The following KIDINS220 variants were observed in gnomAD, a reference collection of about 807,000 sequenced individuals.
KIDINS220 encodes the protein kinase D interacting substrate 220, also known as kinase D-interacting substrate of 220 kDa.
Under a neutral mutation model 157.6 loss-of-function variants are expected in KIDINS220, and 63 were observed. The ratio of observed to expected loss-of-function variants is 0.40; its 90% confidence interval spans 0.33 to 0.49. KIDINS220 has a LOEUF of 0.49. Among genes scored for constraint, KIDINS220 ranks in the 20% least tolerant of loss-of-function variants. The pLI, the probability that KIDINS220 is intolerant of heterozygous loss-of-function variation, is 0.66. For missense variants in KIDINS220, 1,772 were observed against 2,171.2 expected (o/e 0.82, Z 3.65); for synonymous variants, 732 against 783.6 (o/e 0.93, Z 1.10).
chr2:8,757,635 G>A (rs1479996450), intron 22 of KIDINS220: 1 of 1,608,846 alleles, frequency 6.2e-7, no homozygotes, highest in Admixed American at 1.7e-5. Context: ...CCAAGTGAAT[G>A]TGCATCTCTG....
rs2148401522 is a variant in KIDINS220 at position 8,818,743 on chromosome 2, T to C, written c.159A>G (p.Ile53Met). The change falls in exon 3 of 30, where the codon ATA becomes ATG. Residue 53 changes from isoleucine (I) to methionine (M), a missense_variant. Physicochemically the swap from Ile to Met is conservative, Grantham distance 10. Around this residue, in one of 3 missense-constraint regions of KIDINS220, gnomAD observed 254 missense variants for 268.6 expected, o/e 0.95. Transcript: ENST00000256707. The part of the protein sequence containing the change: ...MIAAEQGNLE[I>M]VKELIKNGAN... The stretch of plus-strand genomic sequence containing the variant: ...CTCCATTCTTAATTAATTCCTTCAC[T>C]ATTTCCAGATTGCCTTGTTCGGCAG... 7 of 1,609,988 alleles carry C rather than the reference T, an allele frequency of 4.3e-6. No homozygotes were observed. Among genetic ancestry groups the C allele is most frequent in the Non-Finnish European group, 5.9e-6 (7 of 1,177,276 alleles).
At chr2:8,812,795 C>G (rs1340781918) in intron 5 of KIDINS220, among the ~76,000 whole-genome samples, 1 of 151,992 alleles carries the variant, frequency 6.6e-6, no homozygotes, top group East Asian at 1.9e-4. Context: ...ATAAATTCAA[C>G]ACATTAAAAT....
intron 14 of KIDINS220, among the ~76,000 whole-genome samples, chr2:8,789,476 G>GA (rs1163452306): frequency 6.6e-6 from 1 of 151,942 alleles, no homozygotes; most frequent in African/African-American, 2.4e-5. Flanking sequence ...ATTTAGTAGA[G>GA]ACGGGGTTTC....
chr2:8,775,675 A>G (rs1185177595), intron 21 of KIDINS220, among the ~76,000 whole-genome samples: 1 of 152,206 alleles, frequency 6.6e-6, no homozygotes, highest in African/African-American at 2.4e-5. Context: ...GATTAATATG[A>G]GACACAGGGA....
Position 8,789,934 on chromosome 2 carries a change from T to C in KIDINS220, c.1567A>G (p.Asn523Asp), listed in dbSNP as rs781036824. ...GLLFAFTVHP[N>D]LGIAVSLSFL... ...CTCAGTGACACTGCTATTCCAAGAT[T>C]TGGGTGGACCGTGAAGGCAAACAAT... Residue 523 changes from asparagine to aspartate, a missense_variant, in exon 14 of 30, where the codon AAT (asparagine) becomes GAT (aspartate). By Grantham distance (23) the Asn-to-Asp change is conservative. This residue lies in a region of KIDINS220 where 725 missense variants were observed against 1,017.1 expected (regional missense o/e 0.71). Coordinates refer to ENST00000256707, the MANE Select transcript of KIDINS220 (RefSeq NM_020738.4). 1.2e-6 allele frequency: 2 copies of C among 1,613,858 alleles called. No homozygotes were observed. Among genetic ancestry groups the C allele is most frequent in the South Asian group, 1.1e-5 (1 of 91,026 alleles).
At chr2:8,755,313 C>A (rs1667874507) in intron 22 of KIDINS220, among the ~76,000 whole-genome samples, 1 of 152,138 alleles carries the variant, frequency 6.6e-6, no homozygotes, top group African/African-American at 2.4e-5. Context: ...GCCCCCAGAG[C>A]ATATATACTT....
chr2:8,799,129 C>T (rs1189806840), intron 9 of KIDINS220, among the ~76,000 whole-genome samples: 1 of 152,166 alleles, frequency 6.6e-6, no homozygotes, highest in African/African-American at 2.4e-5. Flanking sequence ...CCACCATCCC[C>T]ACCACCATGC....
At chr2:8,756,830 C>A (rs777909401) in intron 22 of KIDINS220, among the ~76,000 whole-genome samples, 3 of 152,150 alleles carry the variant, frequency 2.0e-5, no homozygotes, top group African/African-American at 7.2e-5. Context: ...GGCTTCAACA[C>A]GAAAATTTTG....
At chr2:8,814,908 G>A (rs56252461) in intron 4 of KIDINS220, among the ~76,000 whole-genome samples, 63,078 of 151,880 alleles carry the variant, frequency 0.42, 15,154 homozygotes, top group East Asian at 0.59. Context: ...AACTGAACAC[G>A]AGAAACATCC....
Position 8,775,864 on chromosome 2 carries a change from T to G in KIDINS220, c.2848+884A>C, listed in dbSNP as rs568908723. 1.8e-4 allele frequency among the ~76,000 whole-genome samples: 28 copies of G among 152,288 alleles called. 3 individuals carry two copies. Among genetic ancestry groups the G allele is most frequent in the African/African-American group, 6.7e-4 (28 of 41,562 alleles). On this transcript the variant is annotated intron_variant, in intron 21 of 29. Coordinates refer to ENST00000256707, the MANE Select transcript of KIDINS220 (RefSeq NM_020738.4). ...GTCTTGTTTTCATGACACACATCAT[T>G]CTGTGACGTTATATCTTTTGGTTTT...
downstream of KIDINS220, among the ~76,000 whole-genome samples, chr2:8,726,539 G>GC (rs1438402663): frequency 1.3e-5 from 2 of 152,236 alleles, no homozygotes; most frequent in African/African-American, 4.8e-5. Context: ...TTACAGCCAT[G>GC]CATCAGTTGA....
At position 8,733,575 on chromosome 2, in the gene KIDINS220, C is replaced by A. The variant is rs748016243; in HGVS notation, c.3922G>T (p.Ala1308Ser). ...GTGTGAGGCAGCTCGTTGTGGGAAG[C>A]GCGGCGAGCAGGCTCACCGTGCGGG... The part of the protein sequence containing the change: ...PAPHGEPARR[A>S]SHNELPHTEL... Residue 1308 changes from alanine to serine, a missense_variant, in exon 29 of 30, where the codon GCT (alanine) becomes TCT (serine). By Grantham distance (99) the Ala-to-Ser change is moderately conservative. Coordinates refer to ENST00000256707, the MANE Select transcript of KIDINS220 (RefSeq NM_020738.4). 1 of 1,613,926 alleles carries A rather than the reference C, an allele frequency of 6.2e-7. No individual in the cohort carries two copies. Among genetic ancestry groups the A allele is most frequent in the African/African-American group, 1.3e-5 (1 of 74,902 alleles).
chr2:8,771,708 T>C (rs1039077016), intron 21 of KIDINS220, among the ~76,000 whole-genome samples: 3 of 152,186 alleles, frequency 2.0e-5, no homozygotes, highest in African/African-American at 7.2e-5. Flanking sequence ...TAGATAGATA[T>C]AGATATACAT....
At chr2:8,810,211 A>G (rs1220267058) in intron 6 of KIDINS220, among the ~76,000 whole-genome samples, 3 of 151,194 alleles carry the variant, frequency 2.0e-5, no homozygotes, top group Admixed American at 2.0e-4. Flanking sequence ...CCACCTCCAC[A>G]CTCCTAAGTC....
intron 2 of KIDINS220, among the ~76,000 whole-genome samples, chr2:8,824,213 T>C (rs76990803): frequency 0.052 from 7,862 of 152,224 alleles, 385 homozygotes; most frequent in African/African-American, 0.13. Flanking sequence ...ATAAAAACAT[T>C]AGCTATTATT....
chr2:8,728,459 G>C (rs1341667672), downstream of KIDINS220, among the ~76,000 whole-genome samples: 1 of 152,204 alleles, frequency 6.6e-6, no homozygotes, highest in Non-Finnish European at 1.5e-5. Flanking sequence ...GCAGAGTTTT[G>C]CATGTGTGAG....
chr2:8,827,005 T>A lies in KIDINS220; in HGVS notation c.89A>T (p.Asp30Val), dbSNP rs111627230. Residue 30 changes from aspartate (D) to valine (V), a missense_variant, in exon 2 of 30, where the codon GAT becomes GTT. Physicochemically the swap from Asp to Val is radical, Grantham distance 152. This residue lies in a region of KIDINS220 where 254 missense variants were observed against 268.6 expected (regional missense o/e 0.95). Transcript: ENST00000256707. ...ALKALLEKCK[D>V]VDERNECGQT... Reference sequence around the variant, plus strand: ...TCTTACCTCATTTCTCTCATCTACATCTTTGCATTTTTCAAGAAGAGCTTT... The same window carrying A: ...TCTTACCTCATTTCTCTCATCTACAACTTTGCATTTTTCAAGAAGAGCTTT... The A allele has an allele frequency of 2.2e-5, 35 of 1,606,760 alleles. No homozygotes were observed. The Middle Eastern group carries it at 6.6e-4, about 30-fold the overall frequency.
At position 8,827,135 on chromosome 2, in the gene KIDINS220, A is replaced by C. The variant is rs762846102; in HGVS notation, c.-36-6T>G. 2.1e-6 allele frequency: 2 copies of C among 972,568 alleles called. No homozygotes were observed. Among genetic ancestry groups the C allele is most frequent in the African/African-American group, 3.3e-5 (2 of 61,176 alleles). 60.2% of individuals were successfully genotyped at this position (972,568 alleles called of 1,614,324 possible). A position where few individuals can be genotyped will look rare whatever the true frequency, so the allele number is the denominator to read the frequency against. On this transcript the variant is annotated splice_polypyrimidine_tract_variant and splice_region_variant and intron_variant, in intron 1 of 29. Coordinates refer to ENST00000256707, the MANE Select transcript of KIDINS220 (RefSeq NM_020738.4). ...AATTAACTTTATTTGAATACCTGTT[A>C]AATTAGACAAAATACACATAATTTA...
At chr2:8,803,697 A>T (rs1675039866) in intron 7 of KIDINS220, among the ~76,000 whole-genome samples, 1 of 152,158 alleles carries the variant, frequency 6.6e-6, no homozygotes, top group Non-Finnish European at 1.5e-5. Flanking sequence ...TTCTTTTAAA[A>T]ATTGCACATC....
Sources: allele counts gnomAD v4.1 joint callset (sites outside exome capture counted in the v4.1 genomes callset), GRCh38; gene constraint gnomAD v4.1.1; regional missense constraint gnomAD v4.1.1; transcripts MANE v1.5; gene names NCBI Gene and HGNC (gene_info 2026-07-23, HGNC 2026-07-21).